UGT1A3: variants seen among roughly 807,000 people sequenced by gnomAD.
UGT1A3 encodes UDP-glucuronosyltransferase 1A3.
A neutral mutation model predicts 41.0 loss-of-function variants in UGT1A3; 31 were observed. The observed-to-expected ratio is 0.76, with a 90% CI of 0.57 to 1.02. The LOEUF (loss-of-function observed/expected upper bound fraction) is 1.02. Among genes scored for constraint, UGT1A3 ranks in the 50% least tolerant of loss-of-function variants. The pLI, the probability that UGT1A3 is intolerant of heterozygous loss-of-function variation, is 0.00. For missense variants in UGT1A3, 737 were observed against 671.0 expected (o/e 1.10, Z -1.09); for synonymous variants, 262 against 257.6 (o/e 1.02, Z -0.17).
chr2:233,760,266 C>G (rs778145749), intron 1 of UGT1A3: 1 of 1,612,006 alleles, frequency 6.2e-7, no homozygotes. Flanking sequence ...GAGGGCGAAC[C>G]TCTGGCAGGA....
intron 1 of UGT1A3, among the ~76,000 whole-genome samples, chr2:233,746,470 A>C (rs1310621579): frequency 6.6e-6 from 1 of 151,764 alleles, no homozygotes; most frequent in Non-Finnish European, 1.5e-5. Context: ...AGGGTTCCAG[A>C]AACACTTTCC....
At chr2:233,755,001 A>C (rs1350785885) in intron 1 of UGT1A3, 1 of 1,292,842 alleles carries the variant, frequency 7.7e-7, no homozygotes, top group African/African-American at 1.5e-5. Flanking sequence ...GAAGCTGAAG[A>C]CCTACTCGAA....
chr2:233,729,968 G>C lies in UGT1A3; in HGVS notation c.842G>C (p.Cys281Ser), dbSNP rs201755757. ...PNMVFIGGIN[C>S]ANRKPLSQEF... ...ATGGTCTTCATTGGGGGCATCAACT[G>C]TGCCAACAGGAAGCCACTATCTCAG... is the stretch of plus-strand genomic sequence containing the variant. The change falls in exon 1 of 5, where the codon TGT (cysteine) becomes TCT (serine). Residue 281 changes from cysteine to serine, a missense_variant. Cys to Ser is a moderately radical substitution (Grantham distance 112). Transcript: ENST00000482026. 6.2e-7 allele frequency: 1 copy of C among 1,614,008 alleles called. No individual in the cohort carries two copies.
At chr2:233,730,394 T>C (rs1343780073) in intron 1 of UGT1A3, among the ~76,000 whole-genome samples, 2 of 152,242 alleles carry the variant, frequency 1.3e-5, no homozygotes, top group Non-Finnish European at 2.9e-5. Context: ...GATGCAACAG[T>C]AAATTACAAT....
chr2:233,769,592 C>T lies in UGT1A3; in HGVS notation c.1307+1153C>T, dbSNP rs199786512. ...TGGAGCATGTTCAGATGAGAGGAGA[C>T]GGAACACGGGGACACACCAGCTTGA... On this transcript the variant is annotated intron_variant, in intron 4 of 4. Transcript: ENST00000482026. This position sits in a 1 kb window ranked among gnomAD's most constrained non-coding sequence, Gnocchi z 4.4. The T allele has an allele frequency of 1.8e-3, 2,836 of 1,612,822 alleles. 7 individuals carry two copies. The highest frequency in any genetic ancestry group is 2.6e-3 in the Middle Eastern group (16 of 6,052).
rs540217987 is a variant in UGT1A3, at chr2:233,754,403, C to G, written c.868-12631C>G. On this transcript the variant is annotated intron_variant, in intron 1 of 4. Coordinates refer to ENST00000482026, the MANE Select transcript of UGT1A3 (RefSeq NM_019093.4). ...CAAACAGAGGTCCTATCCGTGCAGTCCCAACAATAAAGACAGGCATTGGCA... is the reference window on the plus strand; with the variant it reads ...CAAACAGAGGTCCTATCCGTGCAGTGCCAACAATAAAGACAGGCATTGGCA... 52 of 338,868 alleles carry G rather than the reference C, an allele frequency of 1.5e-4. 1 individual carries two copies. Among genetic ancestry groups the G allele is most frequent in the South Asian group, 1.1e-3 (47 of 41,482 alleles). 21.0% of individuals were successfully genotyped at this position (338,868 alleles called of 1,614,324 possible).
chr2:233,765,493 A>G (rs1698849482), intron 1 of UGT1A3, among the ~76,000 whole-genome samples: 1 of 152,138 alleles, frequency 6.6e-6, no homozygotes, highest in African/African-American at 2.4e-5. Context: ...ATCCTCCACA[A>G]ACTAACACAG....
intron 1 of UGT1A3, chr2:233,755,092 ACGC>A (rs1418876721): frequency 2.2e-6 from 3 of 1,335,040 alleles, no homozygotes; most frequent in Non-Finnish European, 3.0e-6. Flanking sequence ...TCGCGTTTCT[ACGC>A]GTCCGACAAC....
chr2:233,751,021 C>G (rs74787288), intron 1 of UGT1A3, among the ~76,000 whole-genome samples: 5,661 of 151,884 alleles, frequency 0.037, 155 homozygotes, highest in Non-Finnish European at 0.057. Flanking sequence ...AATAGTAGAT[C>G]CAATAGCTTG....
chr2:233,754,978 C>G, intron 1 of UGT1A3: 1 of 1,298,496 alleles, frequency 7.7e-7, no homozygotes, highest in Non-Finnish European at 1.0e-6. Context: ...CTGAAGACCT[C>G]GGCGGGGTCA....
chr2:233,760,336 C>A (rs1472715638), intron 1 of UGT1A3: 1 of 1,614,048 alleles, frequency 6.2e-7, no homozygotes. Context: ...GGGCCTGCTG[C>A]TGTGTGTGCT....
chr2:233,759,108 C>T (rs1480612171), intron 1 of UGT1A3, among the ~76,000 whole-genome samples: 2 of 152,176 alleles, frequency 1.3e-5, no homozygotes, highest in African/African-American at 2.4e-5. Flanking sequence ...AGTTTGCAAA[C>T]CAGGGAGTTA....
In UGT1A3 at chr2:233,769,978, G is replaced by A. The variant is rs35883224; in HGVS notation, c.1307+1539G>A. The stretch of plus-strand genomic sequence containing the variant: ...CTTCTGGCCACCTCAATGTCAGGAT[G>A]TCCTGCTCACATATCAATACCATTA... On this transcript the variant is annotated intron_variant, in intron 4 of 4. Transcript: ENST00000482026. The surrounding 1 kb of genome is among the most constrained non-coding windows in gnomAD (Gnocchi z 4.4). 117 of 202,284 alleles carry A rather than the reference G, an allele frequency of 5.8e-4. 1 individual carries two copies. Among genetic ancestry groups the A allele is most frequent in the African/African-American group, 2.5e-3 (109 of 43,540 alleles). The allele number at this position is 202,284 out of a possible 1,614,324, so 12.5% of individuals were successfully genotyped here.
At chr2:233,743,728 A>G in intron 1 of UGT1A3, 1 of 1,367,282 alleles carries the variant, frequency 7.3e-7, no homozygotes, top group Non-Finnish European at 9.8e-7. Context: ...GGTCATAGAT[A>G]TCGCGTTTCT....
chr2:233,758,423 G>T (rs1305067521), intron 1 of UGT1A3, among the ~76,000 whole-genome samples: 3 of 152,182 alleles, frequency 2.0e-5, no homozygotes, highest in Non-Finnish European at 1.5e-5. Flanking sequence ...ATCTGCAAAT[G>T]AACTCACACA....
Position 233,767,098 on chromosome 2 carries a change from T to C in UGT1A3, c.932T>C (p.Met311Thr). 1.2e-6 allele frequency: 2 copies of C among 1,614,160 alleles called. No homozygotes were observed. Among genetic ancestry groups the C allele is most frequent in the Non-Finnish European group, 8.5e-7 (1 of 1,180,018 alleles). The change falls in exon 2 of 5, where the codon ATG (methionine) becomes ACG (threonine). Residue 311 changes from methionine to threonine, a missense_variant. Transcript: ENST00000482026. Reference protein sequence around the residue: ...HGIVVFSLGSMVSEIPEKKAM... With the variant: ...HGIVVFSLGSTVSEIPEKKAM... ...ATTGTGGTTTTCTCTTTGGGATCAA[T>C]GGTCTCAGAAATTCCAGAGAAGAAA... is the stretch of plus-strand genomic sequence containing the variant.
At chr2:233,771,792 C>T (rs974191909) in intron 4 of UGT1A3, among the ~76,000 whole-genome samples, 6 of 151,492 alleles carry the variant, frequency 4.0e-5, no homozygotes, top group Non-Finnish European at 8.8e-5. Context: ...CTCTCCCTCC[C>T]TCCCTCCCTC....
At chr2:233,731,806 G>A (rs142975775) in intron 1 of UGT1A3, among the ~76,000 whole-genome samples, 5,114 of 152,192 alleles carry the variant, frequency 0.034, 99 homozygotes, top group African/African-American at 0.051. Context: ...ACCCAGTAAT[G>A]GTATGGCTGT....
chr2:233,746,462 G>C (rs1030213757), intron 1 of UGT1A3, among the ~76,000 whole-genome samples: 10 of 151,612 alleles, frequency 6.6e-5, no homozygotes, highest in Admixed American at 3.9e-4. Context: ...CCTTCAAAAG[G>C]GTTCCAGAAA....
Sources: allele counts gnomAD v4.1 joint callset (sites outside exome capture counted in the v4.1 genomes callset), GRCh38; gene constraint gnomAD v4.1.1; non-coding constraint Gnocchi (gnomAD v3.1); transcripts MANE v1.5; gene names NCBI Gene and HGNC (gene_info 2026-07-23, HGNC 2026-07-21).